The following CTNNBL1 variants were observed in gnomAD, a reference collection of about 807,000 sequenced individuals.
CTNNBL1 encodes beta-catenin-like protein 1.
A neutral mutation model predicts 72.7 loss-of-function variants in CTNNBL1; 31 were observed. The ratio of observed to expected loss-of-function variants is 0.43; its 90% CI spans 0.32 to 0.58. CTNNBL1 has a LOEUF of 0.58. Among genes scored for constraint, CTNNBL1 ranks in the 20% least tolerant of loss-of-function variants. CTNNBL1 has a pLI of 0.08. For missense variants in CTNNBL1, 534 were observed against 725.1 expected (o/e 0.74, Z 3.03); for synonymous variants, 240 against 267.3 (o/e 0.90, Z 1.00).
At chr20:37,707,626 C>T (rs1008475841) in intron 1 of CTNNBL1, among the ~76,000 whole-genome samples, 1 of 152,226 alleles carries the variant, frequency 6.6e-6, no homozygotes, top group Non-Finnish European at 1.5e-5. Flanking sequence ...AGACTTTCTC[C>T]ATATAAGCAG....
chr20:37,736,790 G>A (rs546785351), intron 2 of CTNNBL1, among the ~76,000 whole-genome samples: 1 of 152,236 alleles, frequency 6.6e-6, no homozygotes, highest in South Asian at 2.1e-4. Context: ...CTGAAGTGCT[G>A]AAGTGCCCAG....
chr20:37,848,578 C>G (rs950804399), intron 13 of CTNNBL1, among the ~76,000 whole-genome samples: 1 of 152,086 alleles, frequency 6.6e-6, no homozygotes, highest in Non-Finnish European at 1.5e-5. Flanking sequence ...GTGCTTTTAC[C>G]TCTCTAATAC....
intron 15 of CTNNBL1, among the ~76,000 whole-genome samples, chr20:37,866,786 T>C (rs778731924): frequency 2.0e-5 from 3 of 152,160 alleles, no homozygotes; most frequent in Non-Finnish European, 4.4e-5. Flanking sequence ...TAAAATGCAG[T>C]TGGGTGCCTG....
intron 9 of CTNNBL1, 117 bp downstream of exon 9, chr20:37,777,829 G>T: frequency 1.9e-6 from 2 of 1,059,254 alleles, no homozygotes; most frequent in East Asian, 2.4e-5. Flanking sequence ...TATGGAGCAT[G>T]TTGGCAGGTT....
chr20:37,831,865 G>A (rs2072213342), intron 11 of CTNNBL1, among the ~76,000 whole-genome samples: 1 of 152,172 alleles, frequency 6.6e-6, no homozygotes, highest in South Asian at 2.1e-4. Context: ...AGAAGGAGAA[G>A]CTAATCTTCA....
intron 10 of CTNNBL1, among the ~76,000 whole-genome samples, chr20:37,792,500 AC>A (rs2073733755): frequency 6.6e-6 from 1 of 152,084 alleles, no homozygotes; most frequent in Admixed American, 6.5e-5. Context: ...TATTTTCTTT[AC>A]ATTACTCAGT....
At chr20:37,842,514 A>G (rs946295401) in intron 13 of CTNNBL1, 95 bp downstream of exon 13, 5 of 818,326 alleles carry the variant, frequency 6.1e-6, no homozygotes, top group Admixed American at 3.7e-5. Context: ...AGGTAAGGGC[A>G]GCAGTGCCAT....
chr20:37,798,302 C>G (rs1183172979), intron 10 of CTNNBL1, among the ~76,000 whole-genome samples: 1 of 152,128 alleles, frequency 6.6e-6, no homozygotes, highest in Non-Finnish European at 1.5e-5. Flanking sequence ...CAACAGAAAA[C>G]GTTTTCTCCC....
chr20:37,807,739 A>C (rs2122745720), intron 11 of CTNNBL1, among the ~76,000 whole-genome samples: 1 of 152,334 alleles, frequency 6.6e-6, no homozygotes, highest in Middle Eastern at 3.4e-3. Flanking sequence ...AAACCTTCAG[A>C]AATAGATCAG....
At chr20:37,770,175 C>T (rs2122672920) in intron 7 of CTNNBL1, among the ~76,000 whole-genome samples, 1 of 152,362 alleles carries the variant, frequency 6.6e-6, no homozygotes, top group Admixed American at 6.5e-5. Flanking sequence ...TTCCTTTTGA[C>T]CTCCTCTCTT....
intron 1 of CTNNBL1, among the ~76,000 whole-genome samples, chr20:37,706,438 T>TC (rs2072885675): frequency 6.6e-6 from 1 of 152,260 alleles, no homozygotes; most frequent in Non-Finnish European, 1.5e-5. Flanking sequence ...TTCAACAATG[T>TC]CCACAGCATC....
At chr20:37,699,633 G>A (rs1200452745) in intron 1 of CTNNBL1, among the ~76,000 whole-genome samples, 1 of 152,198 alleles carries the variant, frequency 6.6e-6, no homozygotes, top group Non-Finnish European at 1.5e-5. Flanking sequence ...TTACAAAGTA[G>A]ACTCAGTACG....
At chr20:37,858,687 A>G (rs932625839) in intron 13 of CTNNBL1, among the ~76,000 whole-genome samples, 5 of 152,238 alleles carry the variant, frequency 3.3e-5, no homozygotes, top group African/African-American at 9.6e-5. Context: ...GATGAATTGT[A>G]TAGTATGTGA....
chr20:37,827,004 C>T lies in CTNNBL1; in HGVS notation c.1214-13098C>T, dbSNP rs963257283. 2.6e-5 allele frequency among the ~76,000 whole-genome samples: 4 copies of T among 152,224 alleles called. No homozygotes were observed. In the East Asian group the frequency reaches 7.7e-4, roughly 29 times the overall value. On this transcript the variant is annotated intron_variant, in intron 11 of 15. Coordinates refer to ENST00000361383, the MANE Select transcript of CTNNBL1 (RefSeq NM_030877.5). Reference sequence around the variant, plus strand: ...CTCATGCCCCTTCCTGGGCAGATCCCTCCCTGTGCCTCACAGAGGTAACCA... The same window carrying T: ...CTCATGCCCCTTCCTGGGCAGATCCTTCCCTGTGCCTCACAGAGGTAACCA...
At chr20:37,803,901 T>C (rs552399563) in intron 11 of CTNNBL1, among the ~76,000 whole-genome samples, 4 of 152,128 alleles carry the variant, frequency 2.6e-5, no homozygotes, top group African/African-American at 4.8e-5. Context: ...GGCATGGGTA[T>C]CTGCAGGATC....
intron 13 of CTNNBL1, among the ~76,000 whole-genome samples, chr20:37,849,218 G>A (rs1037648184): frequency 6.6e-6 from 1 of 152,146 alleles, no homozygotes; most frequent in African/African-American, 2.4e-5. Context: ...CTGTAGGTTT[G>A]GGCCCTCCAG....
chr20:37,842,770 C>G (rs1289337046), intron 13 of CTNNBL1, among the ~76,000 whole-genome samples: 1 of 152,196 alleles, frequency 6.6e-6, no homozygotes, highest in Non-Finnish European at 1.5e-5. Context: ...TTGCTGGCTT[C>G]TGAAATCCTG....
At chr20:37,704,717 A>G (rs2072871315) in intron 1 of CTNNBL1, among the ~76,000 whole-genome samples, 1 of 152,080 alleles carries the variant, frequency 6.6e-6, no homozygotes, top group Non-Finnish European at 1.5e-5. Flanking sequence ...TCTCAAAAAA[A>G]AAAAAGGGAA....
At chr20:37,852,169 T>C (rs547944708) in intron 13 of CTNNBL1, among the ~76,000 whole-genome samples, 1 of 152,356 alleles carries the variant, frequency 6.6e-6, no homozygotes, top group Admixed American at 6.5e-5. Context: ...TCCCTTTAAA[T>C]CTTAACTCTC....
Sources: gnomAD v4.1 joint callset for allele counts (sites outside exome capture counted in the v4.1 genomes callset) on GRCh38, gnomAD v4.1.1 for gene constraint, MANE v1.5 for transcripts, NCBI Gene and HGNC (gene_info 2026-07-23, HGNC 2026-07-21) for gene names.